The following CHN1 variants were observed in gnomAD, a reference collection of about 807,000 sequenced individuals.
CHN1 encodes N-chimaerin.
CHN1 carries 37 observed loss-of-function variants against 59.5 expected under a neutral mutation model. The observed-to-expected ratio is 0.62, with a 90% CI of 0.48 to 0.82. CHN1 has a LOEUF of 0.82. Among genes scored for constraint, CHN1 ranks in the 40% least tolerant of loss-of-function variants. CHN1 has a pLI of 0.00. For synonymous variants in CHN1, 206 were observed against 200.4 expected, an observed-to-expected ratio of 1.03 and a Z score of -0.24; for missense variants, 469 against 571.0, an observed-to-expected ratio of 0.82 and a Z score of 1.82.
At chr2:174,915,027 G>T in intron 5 of CHN1, 31 bp downstream of exon 5, 1 of 1,331,288 alleles carries the variant, frequency 7.5e-7, no homozygotes, top group Non-Finnish European at 1.1e-6. Flanking sequence ...TTTAAATAAA[G>T]CACAGTAGTA....
At chr2:174,859,474 T>C (rs945542349) in intron 6 of CHN1, among the ~76,000 whole-genome samples, 1 of 152,194 alleles carries the variant, frequency 6.6e-6, no homozygotes, top group African/African-American at 2.4e-5. Flanking sequence ...AATCCGGTAC[T>C]AATTCTACTT....
chr2:174,987,476 C>G (rs990115906), intron 1 of CHN1, among the ~76,000 whole-genome samples: 3 of 150,776 alleles, frequency 2.0e-5, no homozygotes, highest in Admixed American at 2.0e-4. Context: ...GGCGCAATCT[C>G]GGCTCACTGC....
At chr2:174,837,951 A>T (rs1203014482) in intron 7 of CHN1, among the ~76,000 whole-genome samples, 1 of 152,244 alleles carries the variant, frequency 6.6e-6, no homozygotes, top group East Asian at 1.9e-4. Context: ...ACAAATGATG[A>T]ACACCAACTA....
At position 174,872,764 on chromosome 2, in the gene CHN1, T is replaced by G. The variant is rs147829850; in HGVS notation, c.549+5076A>C. Among the ~76,000 whole-genome samples the G allele has an allele frequency of 5.1e-3, 781 of 152,256 alleles. 3 individuals carry two copies. The highest frequency in any genetic ancestry group is 0.018 in the African/African-American group (741 of 41,536). On this transcript the variant is annotated intron_variant, in intron 6 of 12. Coordinates refer to ENST00000409900, the MANE Select transcript of CHN1 (RefSeq NM_001822.7). ...TGGATCTTAAAGAGAAATCTGAACA[T>G]GCTATTCCTAGCAAAAGCTAGGGGG... is the stretch of plus-strand genomic sequence containing the variant.
intron 6 of CHN1, among the ~76,000 whole-genome samples, chr2:174,870,510 A>G (rs1016426180): frequency 5.3e-5 from 8 of 152,358 alleles, no homozygotes; most frequent in South Asian, 2.1e-4. Context: ...AATACGATGG[A>G]GCAAAACGCA....
At chr2:174,977,556 C>T (rs1388827733) in intron 1 of CHN1, among the ~76,000 whole-genome samples, 2 of 152,170 alleles carry the variant, frequency 1.3e-5, no homozygotes, top group African/African-American at 2.4e-5. Context: ...CCTTGGGCAA[C>T]GCAATAAGAA....
chr2:174,910,963 A>C (rs1270385413), intron 5 of CHN1, among the ~76,000 whole-genome samples: 2 of 151,852 alleles, frequency 1.3e-5, no homozygotes, highest in African/African-American at 4.8e-5. Flanking sequence ...ATCATTTCAT[A>C]TATTCACTCA....
rs531005507 is a variant in CHN1 at position 174,970,220 on chromosome 2, C to A, written c.20-18018G>T. Among the ~76,000 whole-genome samples, 240 of 152,114 alleles carry A rather than the reference C, an allele frequency of 1.6e-3. 1 individual carries two copies. The highest frequency in any genetic ancestry group is 0.014 in the Middle Eastern group (4 of 292). On this transcript the variant is annotated intron_variant, in intron 1 of 12. Coordinates refer to ENST00000409900, the MANE Select transcript of CHN1 (RefSeq NM_001822.7). ...TAAAGCACCATCTGTTGTTGTATAC[C>A]AAGTATGATGGTTGTCTTGAAGAAA...
At chr2:174,915,755 T>C (rs2105371061) in intron 4 of CHN1, among the ~76,000 whole-genome samples, 1 of 152,056 alleles carries the variant, frequency 6.6e-6, no homozygotes, top group South Asian at 2.1e-4. Flanking sequence ...CATAGAAAAA[T>C]AGAGAAAAAA....
At chr2:174,882,121 T>C (rs1392976062) in intron 5 of CHN1, among the ~76,000 whole-genome samples, 1 of 152,200 alleles carries the variant, frequency 6.6e-6, no homozygotes, top group African/African-American at 2.4e-5. Flanking sequence ...TTGGTGAACA[T>C]ACTTGAAGCT....
intron 1 of CHN1, among the ~76,000 whole-genome samples, chr2:174,956,728 C>A (rs1690216167): frequency 6.8e-6 from 1 of 147,464 alleles, no homozygotes. Context: ...GCTGAGATCA[C>A]ACCACTGCTC....
chr2:174,980,762 G>A (rs1357235495), intron 1 of CHN1, among the ~76,000 whole-genome samples: 1 of 151,310 alleles, frequency 6.6e-6, no homozygotes, highest in African/African-American at 2.4e-5. Context: ...ACTTGCAAAT[G>A]AATCTAAACT....
chr2:174,821,669 C>A, intron 8 of CHN1: 1 of 425,742 alleles, frequency 2.3e-6, no homozygotes, highest in South Asian at 1.8e-5. Flanking sequence ...TTGTAGGCAC[C>A]TCCCCTCTGG....
chr2:174,920,610 T>C (rs894260224), intron 3 of CHN1, among the ~76,000 whole-genome samples: 1 of 152,200 alleles, frequency 6.6e-6, no homozygotes, highest in Non-Finnish European at 1.5e-5. Flanking sequence ...TGAGTGCCAA[T>C]ATCAAGTCTG....
intron 3 of CHN1, among the ~76,000 whole-genome samples, chr2:174,930,930 C>A (rs1689325944): frequency 6.6e-6 from 1 of 152,036 alleles, no homozygotes; most frequent in South Asian, 2.1e-4. Flanking sequence ...CTACGCCAGG[C>A]TAATTTTTTC....
At chr2:175,001,613 G>A (rs910175771) in intron 1 of CHN1, among the ~76,000 whole-genome samples, 6 of 152,204 alleles carry the variant, frequency 3.9e-5, no homozygotes, top group African/African-American at 1.4e-4. Context: ...AAGAATAAGG[G>A]GCAAGGAGGG....
chr2:174,801,519 A>T (rs1171720622), intron 12 of CHN1, among the ~76,000 whole-genome samples, 188 bp downstream of exon 12: 1 of 152,228 alleles, frequency 6.6e-6, no homozygotes, highest in Non-Finnish European at 1.5e-5. Flanking sequence ...TCAAGTCTGC[A>T]CTCAGTATTA....
At chr2:174,819,933 C>A (rs1178993017) in intron 8 of CHN1, among the ~76,000 whole-genome samples, 1 of 149,220 alleles carries the variant, frequency 6.7e-6, no homozygotes, top group African/African-American at 2.5e-5. Flanking sequence ...TTTGTCCTTG[C>A]GATAGTTTAC....
At chr2:174,813,069 G>A (rs1685128841) in intron 8 of CHN1, among the ~76,000 whole-genome samples, 1 of 152,084 alleles carries the variant, frequency 6.6e-6, no homozygotes, top group African/African-American at 2.4e-5. Context: ...GGGCTTACTA[G>A]TGCCAGGCAC....
Sources: gnomAD v4.1 joint callset for allele counts (sites outside exome capture counted in the v4.1 genomes callset) on GRCh38, gnomAD v4.1.1 for gene constraint, MANE v1.5 for transcripts, NCBI Gene and HGNC (gene_info 2026-07-23, HGNC 2026-07-21) for gene names.